GARIN5A: variants seen among roughly 807,000 people sequenced by gnomAD.
GARIN5A encodes the protein Golgi-associated RAB2 interactor protein 5A.
At chr19:50,471,776 G>GCA in the GARIN5A span, among the ~76,000 whole-genome samples, 335 of 113,718 alleles carry the variant, frequency 2.9e-3, 26 homozygotes, top group African/African-American at 0.018. Context: ...ATACATACCT[G>GCA]TGTGTATACG....
At chr19:50,473,525 G>A in the GARIN5A span, among the ~76,000 whole-genome samples, 2 of 151,956 alleles carry the variant, frequency 1.3e-5, no homozygotes, top group Non-Finnish European at 2.9e-5. Flanking sequence ...GGCTAGCTTT[G>A]TAATTTTGAT....
the GARIN5A span, among the ~76,000 whole-genome samples, chr19:50,472,159 T>TATACGTGTGTATATGC: frequency 1.4e-5 from 2 of 148,038 alleles, no homozygotes; most frequent in Admixed American, 1.3e-4. Context: ...TGTGTATATG[T>TATACGTGTGTATATGC]ATGTATACGT....
chr19:50,475,302 T>G, the GARIN5A span: 8 of 1,561,632 alleles, frequency 5.1e-6, no homozygotes, highest in Non-Finnish European at 7.0e-6. Context: ...GGAAGGGGTC[T>G]CGGCTGAGGT....
the GARIN5A span, chr19:50,467,847 G>A: frequency 1.2e-6 from 2 of 1,610,760 alleles, no homozygotes; most frequent in Non-Finnish European, 1.7e-6. Flanking sequence ...GGAGGAAGGG[G>A]CGGCCTCAGG....
chr19:50,472,220 G>GTA, the GARIN5A span, among the ~76,000 whole-genome samples: 7 of 106,400 alleles, frequency 6.6e-5, no homozygotes, highest in South Asian at 3.6e-4. Context: ...ATGTGTGTAT[G>GTA]TATATATACA....
the GARIN5A span, chr19:50,467,865 C>T: frequency 3.9e-5 from 62 of 1,598,814 alleles, no homozygotes; most frequent in Admixed American, 8.6e-5. Flanking sequence ...AGGTTCTGAC[C>T]CTGTCGGGTC....
chr19:50,474,660 T>C, the GARIN5A span, among the ~76,000 whole-genome samples: 1 of 151,894 alleles, frequency 6.6e-6, no homozygotes, highest in Non-Finnish European at 1.5e-5. Flanking sequence ...TAATTTTTTG[T>C]ATTTCTGGTA....
chr19:50,474,252 T>C, the GARIN5A span, among the ~76,000 whole-genome samples: 1 of 151,716 alleles, frequency 6.6e-6, no homozygotes, highest in East Asian at 2.0e-4. Context: ...TGATCTCGGC[T>C]CACTGCAACC....
At chr19:50,467,640 G>T in the GARIN5A span, 1 of 1,569,554 alleles carries the variant, frequency 6.4e-7, no homozygotes, top group East Asian at 2.4e-5. Flanking sequence ...CCTGCGTGAA[G>T]GGCACAGCAG....
the GARIN5A span, among the ~76,000 whole-genome samples, chr19:50,473,544 A>G: frequency 6.6e-6 from 1 of 151,954 alleles, no homozygotes; most frequent in Non-Finnish European, 1.5e-5. Context: ...ATTTTTGTAG[A>G]GATGGGGGTC....
chr19:50,476,783 G>A, the GARIN5A span: 12 of 639,454 alleles, frequency 1.9e-5, no homozygotes, highest in Admixed American at 1.4e-4. Flanking sequence ...GGAGATCCCT[G>A]GAAAGCCAGG....
the GARIN5A span, chr19:50,476,255 G>A: frequency 1.9e-6 from 3 of 1,612,542 alleles, no homozygotes; most frequent in Non-Finnish European, 2.5e-6. Context: ...AAAGCGAGGG[G>A]GCGGGACTAC....
chr19:50,470,989 G>C, the GARIN5A span, among the ~76,000 whole-genome samples: 1 of 151,768 alleles, frequency 6.6e-6, no homozygotes, highest in Non-Finnish European at 1.5e-5. Flanking sequence ...TTTGAGAAAG[G>C]GTCCTGTTCC....
the GARIN5A span, chr19:50,475,548 C>T: frequency 2.5e-5 from 31 of 1,240,838 alleles, no homozygotes; most frequent in Non-Finnish European, 2.8e-5. Flanking sequence ...GGGAAAAGGT[C>T]ATGAACCAGG....
chr19:50,467,595 A>C, the GARIN5A span: 1 of 1,544,756 alleles, frequency 6.5e-7, no homozygotes, highest in Non-Finnish European at 8.7e-7. Context: ...CATCATCATC[A>C]CCCTCCCCAT....
At chr19:50,472,218 A>G in the GARIN5A span, among the ~76,000 whole-genome samples, 9 of 103,682 alleles carry the variant, frequency 8.7e-5, no homozygotes, top group Admixed American at 2.3e-4. Context: ...ACATGTGTGT[A>G]TGTATATATA....
At chr19:50,475,487 T>C in the GARIN5A span, 3 of 1,579,248 alleles carry the variant, frequency 1.9e-6, no homozygotes, top group East Asian at 2.3e-5. Flanking sequence ...CGGGGCAGGA[T>C]AGATGTCGGG....
chr19:50,467,833 G>A, the GARIN5A span: 9 of 1,612,644 alleles, frequency 5.6e-6, no homozygotes, highest in South Asian at 9.9e-5. Context: ...GAACAGCCTG[G>A]GTGGGAGGAA....
the GARIN5A span, among the ~76,000 whole-genome samples, chr19:50,469,426 A>T: frequency 6.6e-6 from 1 of 151,978 alleles, no homozygotes; most frequent in East Asian, 1.9e-4. Flanking sequence ...CCATCTAACA[A>T]ATGGCCACCT....
Sources: gnomAD v4.1 joint callset for allele counts (sites outside exome capture counted in the v4.1 genomes callset) on GRCh38, gnomAD v4.1.1 for gene constraint, MANE v1.5 for transcripts, NCBI Gene and HGNC (gene_info 2026-07-23, HGNC 2026-07-21) for gene names.